TPTE: variants seen among roughly 807,000 people sequenced by gnomAD.
The protein encoded by TPTE is putative tyrosine-protein phosphatase TPTE.
TPTE carries 59 observed loss-of-function variants against 84.1 expected under a neutral mutation model. The ratio of observed to expected loss-of-function variants is 0.70; its 90% CI spans 0.57 to 0.87. TPTE has a LOEUF of 0.87. Ranked by LOEUF, TPTE falls within the 40% of genes least tolerant of loss-of-function variation. The probability of loss-of-function intolerance (pLI) is 0.00; values close to 1 mark genes in which losing one functional copy is unlikely to be tolerated. For synonymous variants in TPTE, 130 were observed against 223.5 expected (o/e 0.58, Z 3.73); for missense variants, 382 against 659.6 (o/e 0.58, Z 4.61).
chr21:10,549,406 A>T (rs1261803325), intron 7 of TPTE, among the ~76,000 whole-genome samples: 1 of 152,306 alleles, frequency 6.6e-6, no homozygotes, highest in African/African-American at 2.4e-5. Flanking sequence ...AAAAAAGAAT[A>T]ATCTTAAGGA....
chr21:10,541,818 G>C (rs1353005304), intron 5 of TPTE, among the ~76,000 whole-genome samples: 2 of 152,308 alleles, frequency 1.3e-5, no homozygotes, highest in Non-Finnish European at 1.5e-5. Flanking sequence ...GGAGGTAGGA[G>C]TACTTGGGGA....
intron 14 of TPTE, among the ~76,000 whole-genome samples, chr21:10,575,527 T>A (rs572865155): frequency 2.6e-4 from 39 of 152,268 alleles, no homozygotes; most frequent in African/African-American, 9.2e-4. Context: ...AGACTGCTTT[T>A]TTGGATGGGT....
intron 2 of TPTE, among the ~76,000 whole-genome samples, chr21:10,526,513 A>G (rs1191626344): frequency 2.0e-5 from 3 of 152,310 alleles, no homozygotes; most frequent in Non-Finnish European, 4.4e-5. Flanking sequence ...ACCTCAGCAC[A>G]CTCTTAGAGA....
At chr21:10,530,512 C>G (rs2074159016) in intron 3 of TPTE, among the ~76,000 whole-genome samples, 1 of 152,306 alleles carries the variant, frequency 6.6e-6, no homozygotes, top group African/African-American at 2.4e-5. Context: ...CTTGTGCATA[C>G]CTTTCGTTGT....
At chr21:10,530,106 T>C (rs1848212) in intron 3 of TPTE, among the ~76,000 whole-genome samples, 13,265 of 146,940 alleles carry the variant, frequency 0.09, 5 homozygotes, top group African/African-American at 0.22. Flanking sequence ...CCAGTGGGAC[T>C]CCCTAAAAGC....
intron 14 of TPTE, among the ~76,000 whole-genome samples, chr21:10,573,038 AT>A (rs2075077661): frequency 1.3e-5 from 2 of 152,274 alleles, no homozygotes; most frequent in Non-Finnish European, 2.9e-5. Context: ...ATTAAAAGAT[AT>A]AGAGTTGGCT....
At position 10,524,287 on chromosome 21, in the gene TPTE, G is replaced by T. The variant is rs560992060; in HGVS notation, c.-210-293G>T. ...GGGGAACTAGATGGTGGTCTCTGCG[G>T]CCCATAGACAGGAAAGTTTGCTTAT... On this transcript the variant is annotated intron_variant, in intron 1 of 23. Transcript: ENST00000618007. Among the ~76,000 whole-genome samples the T allele has an allele frequency of 0.011, 1,619 of 151,780 alleles. No individual in the cohort carries two copies. The highest frequency in any genetic ancestry group is 0.021 in the Middle Eastern group (6 of 290).
chr21:10,564,806 C>T (rs1322063059), intron 10 of TPTE, among the ~76,000 whole-genome samples: 1 of 152,310 alleles, frequency 6.6e-6, no homozygotes, highest in African/African-American at 2.4e-5. Flanking sequence ...AACATCCCTT[C>T]ATGGTAAACA....
chr21:10,573,863 G>A (rs1404084887), intron 14 of TPTE, among the ~76,000 whole-genome samples: 1 of 152,312 alleles, frequency 6.6e-6, no homozygotes, highest in African/African-American at 2.4e-5. Flanking sequence ...AGTCCGAGGA[G>A]CGGCAACAAA....
rs561685911 is a variant in TPTE at position 10,543,130 on chromosome 21, C to A, written c.120-199C>A. ...CTGCAAGCTCTGCTTCCCGGGTTCA[C>A]GCCATTCTCCTGCCTCAGCCTCCCG... is the stretch of plus-strand genomic sequence containing the variant. On this transcript the variant is annotated intron_variant, in intron 6 of 23. Transcript: ENST00000618007. 2.0e-3 allele frequency among the ~76,000 whole-genome samples: 270 copies of A among 135,110 alleles called. 45 individuals are homozygous for A. Among genetic ancestry groups the A allele is most frequent in the African/African-American group, 8.7e-3 (264 of 30,482 alleles). 88.6% of individuals were successfully genotyped at this position (135,110 alleles called of 152,430 possible). A position where few individuals can be genotyped will look rare whatever the true frequency, so the allele number is the denominator to read the frequency against.
At chr21:10,556,434 G>T (rs1455281475) in intron 8 of TPTE, among the ~76,000 whole-genome samples, 1 of 152,310 alleles carries the variant, frequency 6.6e-6, no homozygotes, top group African/African-American at 2.4e-5. Context: ...TCTTCATCCA[G>T]TCTATCATTG....
At chr21:10,528,005 T>C (rs2074110229) in intron 3 of TPTE, among the ~76,000 whole-genome samples, 1 of 152,210 alleles carries the variant, frequency 6.6e-6, no homozygotes, top group Admixed American at 6.5e-5. Flanking sequence ...CACATGATGA[T>C]CAGGTTCAGT....
chr21:10,523,246 C>T (rs140690803), intron 1 of TPTE, among the ~76,000 whole-genome samples: 861 of 152,128 alleles, frequency 5.7e-3, no homozygotes, highest in African/African-American at 0.02. Flanking sequence ...ACATTCTCCC[C>T]CACCCCATGC....
At chr21:10,525,778 GT>G (rs1474984268) in intron 2 of TPTE, among the ~76,000 whole-genome samples, 3 of 152,310 alleles carry the variant, frequency 2.0e-5, no homozygotes, top group African/African-American at 7.2e-5. Context: ...AAGTCATTCT[GT>G]GCCCCAAAGC....
At chr21:10,603,518 G>A (rs1274496312) in intron 22 of TPTE, 44 bp from the exon 23 acceptor site, 2 of 1,558,846 alleles carry the variant, frequency 1.3e-6, no homozygotes, top group African/African-American at 1.4e-5. Flanking sequence ...GGAATGATTA[G>A]TTCTTGGTAT....
At chr21:10,597,855 T>TC (rs2075617540) in intron 20 of TPTE, among the ~76,000 whole-genome samples, 160 bp from the exon 21 acceptor site, 1 of 152,294 alleles carries the variant, frequency 6.6e-6, no homozygotes, top group Non-Finnish European at 1.5e-5. Context: ...TGAAGGCTTG[T>TC]CTTTCAAAGA....
chr21:10,543,258 T>C, intron 6 of TPTE, 71 bp from the exon 7 acceptor site: 2 of 1,524,512 alleles, frequency 1.3e-6, no homozygotes, highest in South Asian at 2.3e-5. Context: ...GGTCTCAATC[T>C]CCTGACCTCA....
At chr21:10,570,814 G>A (rs1194835564) in intron 14 of TPTE, among the ~76,000 whole-genome samples, 120 of 151,980 alleles carry the variant, frequency 7.9e-4, no homozygotes, top group African/African-American at 2.6e-3. Flanking sequence ...TCCAATTTAG[G>A]TGCTTGCAGA....
intron 1 of TPTE, among the ~76,000 whole-genome samples, chr21:10,522,666 A>G (rs1387649677): frequency 6.6e-6 from 1 of 152,300 alleles, no homozygotes; most frequent in Non-Finnish European, 1.5e-5. Flanking sequence ...CTGTTCACGT[A>G]TTTTGCCCGT....
Sources: allele counts gnomAD v4.1 joint callset (sites outside exome capture counted in the v4.1 genomes callset), GRCh38; gene constraint gnomAD v4.1.1; transcripts MANE v1.5; gene names NCBI Gene and HGNC (gene_info 2026-07-23, HGNC 2026-07-21).